The following R3HDM2 variants were observed in gnomAD, a reference collection of about 807,000 sequenced individuals.
The protein encoded by R3HDM2 is R3H domain-containing protein 2.
R3HDM2 carries 38 observed loss-of-function variants against 124.5 expected under a neutral mutation model. That is an observed-to-expected ratio of 0.31 (90% confidence interval 0.24 to 0.40). The LOEUF (loss-of-function observed/expected upper bound fraction) is 0.40. Among genes scored for constraint, R3HDM2 ranks in the 10% least tolerant of loss-of-function variants. The pLI, the probability that R3HDM2 is intolerant of heterozygous loss-of-function variation, is 1.00. For missense variants in R3HDM2, 869 were observed against 1,236.9 expected (o/e 0.70, Z 4.46); for synonymous variants, 391 against 448.0 (o/e 0.87, Z 1.61).
intron 14 of R3HDM2, among the ~76,000 whole-genome samples, chr12:57,275,222 G>A (rs1159199867): frequency 1.3e-5 from 2 of 152,104 alleles, no homozygotes; most frequent in Non-Finnish European, 2.9e-5. Flanking sequence ...GTGGGGAAAG[G>A]ACACCCTTTT....
intron 3 of R3HDM2, among the ~76,000 whole-genome samples, chr12:57,309,618 G>T (rs988751154): frequency 2.0e-5 from 3 of 152,216 alleles, no homozygotes; most frequent in African/African-American, 7.2e-5. Context: ...ATTTAACACT[G>T]TGTGTAAAGC....
rs2042915399 is a variant in R3HDM2, at chr12:57,268,328, G to A, written c.2005C>T (p.Pro669Ser). 3 of 1,613,748 alleles carry A rather than the reference G, an allele frequency of 1.9e-6. No homozygotes were observed. In the African/African-American group the frequency reaches 4.0e-5, roughly 22 times the overall value. ...CTCGTACCGTTCTGCTGAGCAGGTG[G>A]GATCATGCTATAGTACACTGGTACC... ...AGVPVYYSMI[P>S]PAQQNGTSPS... The change falls in exon 18 of 24, where the codon CCA becomes TCA. Residue 669 changes from proline to serine, a missense_variant. Pro to Ser is a moderately conservative substitution (Grantham distance 74). This residue lies in a region of R3HDM2 where 602 missense variants were observed against 789.2 expected (regional missense o/e 0.76). Transcript: ENST00000402412.
intron 18 of R3HDM2, 86 bp downstream of exon 18, chr12:57,268,217 T>G: frequency 1.4e-6 from 2 of 1,478,660 alleles, no homozygotes; most frequent in South Asian, 2.7e-5. Flanking sequence ...CCTGCCTTTC[T>G]TAGGCCAGTG....
At chr12:57,341,567 AAAT>A (rs1321715147) in intron 2 of R3HDM2, 1 of 244,276 alleles carries the variant, frequency 4.1e-6, no homozygotes, top group African/African-American at 2.3e-5. Context: ...AAATAAGAAT[AAAT>A]AAACCCAGAA....
At chr12:57,266,628 C>T (rs2042499135) in intron 19 of R3HDM2, 103 bp downstream of exon 19, 2 of 879,896 alleles carry the variant, frequency 2.3e-6, no homozygotes, top group Admixed American at 4.0e-5. Flanking sequence ...GGGACAGACC[C>T]AATACCTGAA....
chr12:57,383,146 C>T (rs769029310), intron 2 of R3HDM2, among the ~76,000 whole-genome samples: 3 of 151,936 alleles, frequency 2.0e-5, no homozygotes, highest in Non-Finnish European at 2.9e-5. Flanking sequence ...TGAGCCACAG[C>T]GCCCAGCCAA....
chr12:57,386,180 G>T (rs2065728872), intron 2 of R3HDM2, among the ~76,000 whole-genome samples: 1 of 135,672 alleles, frequency 7.4e-6, no homozygotes. Flanking sequence ...TCGCTCTGGG[G>T]GCCTCCTCTG....
In R3HDM2 at chr12:57,283,843, C is replaced by T. The variant is rs757392657; in HGVS notation, c.1152G>A (p.Ala384=). ...DSIGSSKGGS[A]GRISRPGMAL... is the part of the protein sequence containing the mutation. ...TAATACCTGGCCTGGAGATCCTTCC[C>T]GCACTGCCGCCTTTACTGCTGCCGA... Residue 384 remains alanine (A), a synonymous_variant, in exon 13 of 24, where the codon GCG becomes GCA. Transcript: ENST00000402412. 16 of 1,614,034 alleles carry T rather than the reference C, an allele frequency of 9.9e-6. No individual in the cohort carries two copies. Among genetic ancestry groups the T allele is most frequent in the African/African-American group, 4.0e-5 (3 of 74,930 alleles).
chr12:57,288,197 G>T (rs55671025), intron 12 of R3HDM2, among the ~76,000 whole-genome samples: 2,237 of 151,804 alleles, frequency 0.015, 28 homozygotes, highest in Non-Finnish European at 0.023. Context: ...GTAGAGACAA[G>T]GTTTCACCAT....
At chr12:57,358,085 TCTC>T (rs2061495076) in intron 2 of R3HDM2, among the ~76,000 whole-genome samples, 1 of 151,796 alleles carries the variant, frequency 6.6e-6, no homozygotes, top group Non-Finnish European at 1.5e-5. Context: ...TTCAAGCAAT[TCTC>T]CTGCCTCAGC....
chr12:57,418,447 C>G (rs2069864750), intron 1 of R3HDM2: 1 of 496,796 alleles, frequency 2.0e-6, no homozygotes, highest in Non-Finnish European at 2.6e-6. Flanking sequence ...AAGTCTTTAG[C>G]CTATCTTTGA....
intron 2 of R3HDM2, among the ~76,000 whole-genome samples, chr12:57,368,402 T>C (rs1048196938): frequency 2.0e-5 from 3 of 152,140 alleles, no homozygotes; most frequent in African/African-American, 7.2e-5. Flanking sequence ...TCTTAGGAAG[T>C]AATGTTAAAC....
chr12:57,366,333 A>G (rs1057351323), intron 2 of R3HDM2, among the ~76,000 whole-genome samples: 3 of 151,930 alleles, frequency 2.0e-5, no homozygotes, highest in African/African-American at 7.3e-5. Context: ...CTTTTTTTCT[A>G]TATTACATTT....
intron 14 of R3HDM2, chr12:57,272,411 G>A (rs533929987): frequency 1.4e-4 from 205 of 1,475,370 alleles, no homozygotes; most frequent in Admixed American, 3.7e-4. Context: ...ACAGATACAG[G>A]CCACACATGA....
At chr12:57,287,427 T>G (rs1349339164) in intron 12 of R3HDM2, among the ~76,000 whole-genome samples, 1 of 152,132 alleles carries the variant, frequency 6.6e-6, no homozygotes, top group Non-Finnish European at 1.5e-5. Context: ...CCACCAACAA[T>G]GCAAGGTCCT....
At chr12:57,295,534 G>T in intron 9 of R3HDM2, 27 bp from the exon 10 acceptor site, 1 of 1,509,714 alleles carries the variant, frequency 6.6e-7, no homozygotes. Flanking sequence ...AATGTGAAAG[G>T]AAAGGAGGAC....
intron 1 of R3HDM2, among the ~76,000 whole-genome samples, chr12:57,406,015 C>T (rs1219065564): frequency 6.6e-6 from 1 of 151,898 alleles, no homozygotes; most frequent in Non-Finnish European, 1.5e-5. Flanking sequence ...GACAATGAGA[C>T]ATTAATAAGG....
chr12:57,367,527 G>C (rs80196327), intron 2 of R3HDM2, among the ~76,000 whole-genome samples: 1 of 152,086 alleles, frequency 6.6e-6, no homozygotes, highest in Non-Finnish European at 1.5e-5. Flanking sequence ...TTGGCTTCTC[G>C]ATTCCTACCT....
At chr12:57,324,403 G>A (rs773058218) in intron 2 of R3HDM2, among the ~76,000 whole-genome samples, 85 of 152,206 alleles carry the variant, frequency 5.6e-4, no homozygotes, top group Non-Finnish European at 9.8e-4. Context: ...GGCTGGTCTC[G>A]AACTCCTGAC....
Sources: allele counts gnomAD v4.1 joint callset (sites outside exome capture counted in the v4.1 genomes callset), GRCh38; gene constraint gnomAD v4.1.1; regional missense constraint gnomAD v4.1.1; transcripts MANE v1.5; gene names NCBI Gene and HGNC (gene_info 2026-07-23, HGNC 2026-07-21).